The following PITPNC1 variants were observed in gnomAD, a reference collection of about 807,000 sequenced individuals.
The protein encoded by PITPNC1 is phosphatidylinositol transfer protein cytoplasmic 1.
A neutral mutation model predicts 44.7 loss-of-function variants in PITPNC1; 18 were observed. That is an observed-to-expected ratio of 0.40 (90% CI 0.28 to 0.60). The LOEUF (loss-of-function observed/expected upper bound fraction) is 0.60, where lower values mean the gene tolerates loss of function less well. PITPNC1 is among the 20% of genes least tolerant of loss of function. The pLI is 0.39. For synonymous variants in PITPNC1, 141 were observed against 149.6 expected, an observed-to-expected ratio of 0.94 and a Z score of 0.42; for missense variants, 290 against 418.4, an observed-to-expected ratio of 0.69 and a Z score of 2.68.
chr17:67,396,348 A>G (rs975284305), intron 1 of PITPNC1, among the ~76,000 whole-genome samples: 4 of 152,286 alleles, frequency 2.6e-5, no homozygotes, highest in African/African-American at 7.2e-5. Context: ...GTCAGAAACC[A>G]TCTTATTTTT....
intron 4 of PITPNC1, among the ~76,000 whole-genome samples, chr17:67,556,643 C>T (rs1305213288): frequency 6.6e-6 from 1 of 152,092 alleles, no homozygotes; most frequent in Non-Finnish European, 1.5e-5. Flanking sequence ...TAAGGTCAGA[C>T]CAGAGATTCA....
chr17:67,668,028 G>A (rs763515890), intron 6 of PITPNC1, among the ~76,000 whole-genome samples: 2 of 151,892 alleles, frequency 1.3e-5, no homozygotes, highest in African/African-American at 2.4e-5. Flanking sequence ...TTTCATTCTT[G>A]TAATTGAAGT....
At chr17:67,499,764 A>G (rs1217898522) in intron 1 of PITPNC1, among the ~76,000 whole-genome samples, 1 of 152,252 alleles carries the variant, frequency 6.6e-6, no homozygotes, top group African/African-American at 2.4e-5. Flanking sequence ...CATTCAGTAC[A>G]ATAGCATGCT....
chr17:67,380,954 G>A (rs1474704848), intron 1 of PITPNC1, among the ~76,000 whole-genome samples: 1 of 151,928 alleles, frequency 6.6e-6, no homozygotes, highest in African/African-American at 2.4e-5. Flanking sequence ...TTTACTTTTT[G>A]TAGAGACAGG....
intron 1 of PITPNC1, among the ~76,000 whole-genome samples, chr17:67,425,203 G>GCACACACACACACACACACACACA (rs60705271): frequency 3.6e-4 from 36 of 98,814 alleles, no homozygotes; most frequent in East Asian, 1.1e-3. Flanking sequence ...GCACGCACAC[G>GCACACACACACACACACACACACA]CACACACACA....
intron 1 of PITPNC1, among the ~76,000 whole-genome samples, chr17:67,509,518 C>T (rs951348767): frequency 6.6e-6 from 1 of 151,488 alleles, no homozygotes; most frequent in Admixed American, 6.6e-5. Context: ...GCCTGGGCAA[C>T]AGAGTGAGGC....
At chr17:67,419,680 C>A (rs1030026908) in intron 1 of PITPNC1, among the ~76,000 whole-genome samples, 3 of 152,152 alleles carry the variant, frequency 2.0e-5, no homozygotes, top group South Asian at 2.1e-4. Flanking sequence ...CCGACGCAGG[C>A]GGATAACTTG....
rs187426204 is a variant in PITPNC1, at chr17:67,683,883, C to T, written c.682+8341C>T. Among the ~76,000 whole-genome samples, 192 of 149,118 alleles carry T rather than the reference C, an allele frequency of 1.3e-3. 5 individuals carry two copies. The East Asian group carries it at 0.034, about 27-fold the overall frequency. The stretch of plus-strand genomic sequence containing the variant: ...ATCCCAGCTACTCGGGAGGCTGAGG[C>T]GGGAGAATCACTTGAACCCGGGAGG... On this transcript the variant is annotated intron_variant, in intron 8 of 8. Coordinates refer to ENST00000581322, the MANE Select transcript of PITPNC1 (RefSeq NM_012417.4).
intron 5 of PITPNC1, among the ~76,000 whole-genome samples, chr17:67,626,772 G>C (rs369102557): frequency 1.3e-5 from 2 of 151,612 alleles, no homozygotes; most frequent in Admixed American, 6.6e-5. Flanking sequence ...CAGCAATTGT[G>C]GGAAATTAGG....
chr17:67,598,184 T>C (rs1350605030), intron 5 of PITPNC1, among the ~76,000 whole-genome samples: 2 of 152,008 alleles, frequency 1.3e-5, no homozygotes, highest in Admixed American at 6.6e-5. Flanking sequence ...ATCACGCCAC[T>C]GCACTCCAGC....
Position 67,688,959 on chromosome 17 carries a change from T to C in PITPNC1, c.683-3613T>C, listed in dbSNP as rs567894978. 5.9e-5 allele frequency among the ~76,000 whole-genome samples: 9 copies of C among 152,348 alleles called. No homozygotes were observed. In the East Asian group the frequency reaches 9.6e-4, roughly 16 times the overall value. On this transcript the variant is annotated intron_variant, in intron 8 of 8. Coordinates refer to ENST00000581322, the MANE Select transcript of PITPNC1 (RefSeq NM_012417.4). Reference sequence around the variant, plus strand: ...GGCTCACGCCTGTAATCCCAGCACTTTGGGATGCCAAGGCGGGCGTATCAC... The same window carrying C: ...GGCTCACGCCTGTAATCCCAGCACTCTGGGATGCCAAGGCGGGCGTATCAC...
intron 4 of PITPNC1, among the ~76,000 whole-genome samples, chr17:67,563,948 A>C (rs2040939068): frequency 1.3e-5 from 2 of 152,186 alleles, no homozygotes; most frequent in South Asian, 2.1e-4. Context: ...AGATGGATGA[A>C]TAGATAGATG....
intron 8 of PITPNC1, among the ~76,000 whole-genome samples, chr17:67,684,139 T>C: frequency 7.6e-6 from 1 of 131,298 alleles, no homozygotes; most frequent in East Asian, 2.2e-4. Flanking sequence ...TGAGACAGAG[T>C]CTTGCTCTGT....
intron 1 of PITPNC1, among the ~76,000 whole-genome samples, chr17:67,490,983 A>T (rs2039857206): frequency 1.3e-5 from 2 of 152,196 alleles, no homozygotes; most frequent in Middle Eastern, 3.2e-3. Flanking sequence ...TCCTCTCTAG[A>T]TTAGCACAGC....
intron 1 of PITPNC1, among the ~76,000 whole-genome samples, chr17:67,433,435 A>C (rs376064023): frequency 1.3e-5 from 2 of 152,184 alleles, no homozygotes; most frequent in Non-Finnish European, 2.9e-5. Flanking sequence ...AGCCCCGGGC[A>C]GAAGATAGAA....
chr17:67,419,847 A>C (rs902997721), intron 1 of PITPNC1, among the ~76,000 whole-genome samples: 3 of 151,292 alleles, frequency 2.0e-5, no homozygotes, highest in Non-Finnish European at 2.9e-5. Flanking sequence ...TGGAAGTTGC[A>C]GTGAGCCGAG....
chr17:67,492,820 C>T (rs1176688383), intron 1 of PITPNC1, among the ~76,000 whole-genome samples: 2 of 152,110 alleles, frequency 1.3e-5, no homozygotes, highest in Non-Finnish European at 2.9e-5. Flanking sequence ...TGTGTTTATC[C>T]TGTTGTGTGT....
intron 4 of PITPNC1, among the ~76,000 whole-genome samples, chr17:67,570,081 G>T (rs1174139170): frequency 1.3e-5 from 2 of 152,124 alleles, no homozygotes; most frequent in African/African-American, 4.8e-5. Context: ...GGCCTCAAGG[G>T]TTCCCAACTT....
At chr17:67,603,942 T>TAA (rs552519264) in intron 5 of PITPNC1, among the ~76,000 whole-genome samples, 73 of 135,292 alleles carry the variant, frequency 5.4e-4, no homozygotes, top group Middle Eastern at 7.5e-3. Flanking sequence ...CTCATAGATT[T>TAA]AAAAAAAAAA....
Sources: gnomAD v4.1 joint callset for allele counts (sites outside exome capture counted in the v4.1 genomes callset) on GRCh38, gnomAD v4.1.1 for gene constraint, MANE v1.5 for transcripts, NCBI Gene and HGNC (gene_info 2026-07-23, HGNC 2026-07-21) for gene names.